The following B4GALT6 variants were observed in gnomAD, a reference collection of about 807,000 sequenced individuals.
B4GALT6 encodes the protein UDP-Gal:beta-GlcNAc beta-1,4-galactosyltransferase 6.
Under a neutral mutation model 46.3 loss-of-function variants are expected in B4GALT6, and 14 were observed. The observed-to-expected ratio is 0.30, with a 90% CI of 0.20 to 0.47. B4GALT6 has a LOEUF of 0.47. Among genes scored for constraint, B4GALT6 ranks in the 20% least tolerant of loss-of-function variants. B4GALT6 has a pLI of 0.99. For missense variants in B4GALT6, 386 were observed against 480.1 expected (o/e 0.80, Z 1.83); for synonymous variants, 168 against 162.0 (o/e 1.04, Z -0.28).
At chr18:31,630,439 G>A (rs1175127127) in intron 6 of B4GALT6, among the ~76,000 whole-genome samples, 1 of 150,798 alleles carries the variant, frequency 6.6e-6, no homozygotes, top group African/African-American at 2.4e-5. Context: ...TATTATTAAA[G>A]GGCAGGTCAA....
the B4GALT6 span, chr18:31,724,192 G>A: frequency 3.9e-6 from 1 of 259,392 alleles, no homozygotes. Context: ...GGGGCGCGCG[G>A]TTGCCAGGGG....
chr18:31,663,961 C>A (rs1445042682), intron 2 of B4GALT6, among the ~76,000 whole-genome samples: 1 of 152,196 alleles, frequency 6.6e-6, no homozygotes, highest in Non-Finnish European at 1.5e-5. Context: ...TAACAGAATG[C>A]CAGTTTCACT....
intron 3 of B4GALT6, among the ~76,000 whole-genome samples, chr18:31,654,767 T>G (rs188165318): frequency 7.2e-4 from 109 of 152,358 alleles, no homozygotes; most frequent in South Asian, 5.6e-3. Context: ...CTTACACAAA[T>G]CCCTTCTAAT....
intron 6 of B4GALT6, among the ~76,000 whole-genome samples, chr18:31,627,984 C>T (rs2073723047): frequency 6.6e-6 from 1 of 152,214 alleles, no homozygotes; most frequent in Non-Finnish European, 1.5e-5. Context: ...GGAAACCTGG[C>T]TGCAACCACA....
At chr18:31,723,998 C>T in the B4GALT6 span, among the ~76,000 whole-genome samples, 16 of 151,680 alleles carry the variant, frequency 1.1e-4, no homozygotes, top group African/African-American at 3.9e-4. Context: ...GTCTTGGGAC[C>T]GCAGACCCCG....
At chr18:31,709,102 G>A in the B4GALT6 span, among the ~76,000 whole-genome samples, 1 of 152,124 alleles carries the variant, frequency 6.6e-6, no homozygotes, top group African/African-American at 2.4e-5. Context: ...TCTGTAAAAT[G>A]TGTGAGCTAG....
At chr18:31,633,131 G>GA (rs1405019049) in intron 5 of B4GALT6, among the ~76,000 whole-genome samples, 1 of 151,194 alleles carries the variant, frequency 6.6e-6, no homozygotes, top group Non-Finnish European at 1.5e-5. Flanking sequence ...AAAATTCCAG[G>GA]AAAAAAAAAT....
chr18:31,670,601 A>T (rs1313454211), intron 1 of B4GALT6, among the ~76,000 whole-genome samples: 1 of 152,220 alleles, frequency 6.6e-6, no homozygotes, highest in Non-Finnish European at 1.5e-5. Flanking sequence ...GTTTAAACAG[A>T]AAGTGGCTGT....
chr18:31,639,900 A>G (rs2073908774), intron 4 of B4GALT6, among the ~76,000 whole-genome samples: 1 of 152,188 alleles, frequency 6.6e-6, no homozygotes, highest in Admixed American at 6.5e-5. Context: ...TTGGATACAA[A>G]CTTTGTCATA....
chr18:31,707,539 T>C, the B4GALT6 span, among the ~76,000 whole-genome samples: 6 of 152,200 alleles, frequency 3.9e-5, no homozygotes, highest in Non-Finnish European at 8.8e-5. Context: ...AAGTTAAACA[T>C]GTGCTATCTG....
the B4GALT6 span, among the ~76,000 whole-genome samples, chr18:31,716,630 C>A: frequency 3.3e-5 from 5 of 152,272 alleles, no homozygotes; most frequent in Admixed American, 2.0e-4. Flanking sequence ...AGATAACTAA[C>A]TAGCCTGCCC....
the B4GALT6 span, among the ~76,000 whole-genome samples, chr18:31,710,425 AT>A: frequency 6.6e-6 from 1 of 152,194 alleles, no homozygotes; most frequent in African/African-American, 2.4e-5. Context: ...TTGCAAAAAA[AT>A]GTCTTTAGAG....
chr18:31,669,045 A>T lies in B4GALT6; in HGVS notation c.116-2673T>A, dbSNP rs574184825. On this transcript the variant is annotated intron_variant, in intron 1 of 8. Coordinates refer to ENST00000306851, the MANE Select transcript of B4GALT6 (RefSeq NM_004775.5). ...AAAAAAAAAAAAAAGTTGTAATCAG[A>T]CACCTGTTCCAATTCCTCTCTGTCC... Among the ~76,000 whole-genome samples the T allele has an allele frequency of 7.3e-5, 11 of 151,322 alleles. No homozygotes were observed. The East Asian group carries it at 1.9e-3, about 27-fold the overall frequency.
chr18:31,654,146 A>G (rs910747358), intron 3 of B4GALT6, among the ~76,000 whole-genome samples: 3 of 152,234 alleles, frequency 2.0e-5, no homozygotes, highest in African/African-American at 7.2e-5. Context: ...AAATAGTAAG[A>G]ACAGAATATA....
At chr18:31,645,529 A>G in intron 3 of B4GALT6, 50 bp from the exon 4 acceptor site, 2 of 1,565,450 alleles carry the variant, frequency 1.3e-6, no homozygotes, top group Non-Finnish European at 1.7e-6. Flanking sequence ...TGCCTCAAAG[A>G]TCTAGTAGAA....
Position 31,627,016 on chromosome 18 carries a change from A to T in B4GALT6, c.882T>A (p.Asp294Glu). 1.2e-6 allele frequency: 2 copies of T among 1,610,754 alleles called. No individual in the cohort carries two copies. Among genetic ancestry groups the T allele is most frequent in the Non-Finnish European group, 1.7e-6 (2 of 1,178,900 alleles). ...CAACATACCTGTTCCAAAGGTCATCATCTTCTCCTCCCCATCCCCAGAAGG... is the reference window on the plus strand; with the variant it reads ...CAACATACCTGTTCCAAAGGTCATCTTCTTCTCCTCCCCATCCCCAGAAGG... ...PNAFWGWGGE[D>E]DDLWNRVHYA... is the part of the protein sequence containing the mutation. Residue 294 changes from aspartate to glutamate, a missense_variant, in exon 7 of 9, where the codon GAT becomes GAA. Around this residue, in one of 2 missense-constraint regions of B4GALT6, gnomAD observed 323 missense variants for 438.9 expected, o/e 0.74. Coordinates refer to ENST00000306851, the MANE Select transcript of B4GALT6 (RefSeq NM_004775.5).
At chr18:31,648,482 C>G (rs970265413) in intron 3 of B4GALT6, among the ~76,000 whole-genome samples, 1 of 152,152 alleles carries the variant, frequency 6.6e-6, no homozygotes, top group Non-Finnish European at 1.5e-5. Flanking sequence ...ACAGGGAACT[C>G]AAGTCAGCTG....
chr18:31,651,065 C>CTCTTCTCTCCAT (rs1377596839), intron 3 of B4GALT6, among the ~76,000 whole-genome samples: 1 of 151,966 alleles, frequency 6.6e-6, no homozygotes, highest in East Asian at 1.9e-4. Context: ...CGCGCCCAGC[C>CTCTTCTCTCCAT]CCCAGCTGCA....
At chr18:31,653,638 G>A (rs866394218) in intron 3 of B4GALT6, among the ~76,000 whole-genome samples, 1 of 151,854 alleles carries the variant, frequency 6.6e-6, no homozygotes, top group Middle Eastern at 3.4e-3. Flanking sequence ...GGTAGAGACA[G>A]GTTTCACCAT....
Sources: gnomAD v4.1 joint callset for allele counts (sites outside exome capture counted in the v4.1 genomes callset) on GRCh38, gnomAD v4.1.1 for gene constraint, gnomAD v4.1.1 regional missense constraint, MANE v1.5 for transcripts, NCBI Gene and HGNC (gene_info 2026-07-23, HGNC 2026-07-21) for gene names.